TMEM38A: variants seen among roughly 807,000 people sequenced by gnomAD.
The protein encoded by TMEM38A is transmembrane protein 38A, also known as trimeric intracellular cation channel type A.
TMEM38A carries 17 observed loss-of-function variants against 28.6 expected under a neutral mutation model. The observed-to-expected ratio is 0.60, with a 90% CI of 0.41 to 0.89. The LOEUF (loss-of-function observed/expected upper bound fraction) is 0.89, where lower values mean the gene tolerates loss of function less well. TMEM38A is among the 40% of genes least tolerant of loss of function. The probability of loss-of-function intolerance (pLI) is 0.00; values close to 1 mark genes in which losing one functional copy is unlikely to be tolerated. For missense variants in TMEM38A, 328 were observed against 393.1 expected (o/e 0.83, Z 1.40); for synonymous variants, 169 against 166.1 (o/e 1.02, Z -0.14).
At chr19:16,675,308 A>AC in intron 1 of TMEM38A, among the ~76,000 whole-genome samples, 1 of 152,178 alleles carries the variant, frequency 6.6e-6, no homozygotes, top group South Asian at 2.1e-4. Context: ...ATCACGGCTC[A>AC]CTGCAGCCTC....
At chr19:16,666,560 A>T (rs973926001) in intron 1 of TMEM38A, among the ~76,000 whole-genome samples, 1 of 152,146 alleles carries the variant, frequency 6.6e-6, no homozygotes, top group Middle Eastern at 3.4e-3. Flanking sequence ...TCCCATGAGC[A>T]ACTGTGCCTG....
chr19:16,666,005 G>A (rs1057222181), intron 1 of TMEM38A, among the ~76,000 whole-genome samples: 2 of 151,210 alleles, frequency 1.3e-5, no homozygotes, highest in Non-Finnish European at 3.0e-5. Flanking sequence ...TTTTGGAGAC[G>A]GAGTCTTGCC....
At chr19:16,686,501 T>C (rs2086802751) in intron 5 of TMEM38A, 96 bp downstream of exon 5, 3 of 999,438 alleles carry the variant, frequency 3.0e-6, no homozygotes, top group Admixed American at 1.8e-5. Context: ...CCCAGCCTTA[T>C]GTGGCTGGGA....
chr19:16,667,059 A>G lies in TMEM38A; in HGVS notation c.124+5718A>G, dbSNP rs545683869. 1.9e-4 allele frequency among the ~76,000 whole-genome samples: 29 copies of G among 152,006 alleles called. 1 individual carries two copies. Among genetic ancestry groups the G allele is most frequent in the South Asian group, 1.9e-3 (9 of 4,812 alleles). The stretch of plus-strand genomic sequence containing the variant: ...CGAGGCGGGCGGATCACCCGAGGTC[A>G]GAAGTTCGAGACCAGCCTGGCCAAC... On this transcript the variant is annotated intron_variant, in intron 1 of 5. Transcript: ENST00000187762.
intron 4 of TMEM38A, among the ~76,000 whole-genome samples, chr19:16,686,061 G>A (rs1247831504): frequency 6.6e-6 from 1 of 152,222 alleles, no homozygotes; most frequent in Non-Finnish European, 1.5e-5. Context: ...TACTTGGGAG[G>A]CTGAGGTGGG....
intron 1 of TMEM38A, among the ~76,000 whole-genome samples, chr19:16,667,271 C>T (rs934303163): frequency 7.4e-6 from 1 of 135,894 alleles, no homozygotes; most frequent in Non-Finnish European, 1.5e-5. Context: ...AGTGAAACTC[C>T]ATTTCAGGAA....
chr19:16,688,521 G>C lies in TMEM38A; in HGVS notation c.*150G>C. The C allele has an allele frequency of 1.9e-6, 1 of 524,632 alleles. No individual in the cohort carries two copies. The highest frequency in any genetic ancestry group is 5.4e-5 in the South Asian group (1 of 18,674). The allele number at this position is 524,632 out of a possible 1,614,324, so 32.5% of individuals were successfully genotyped here. ...GCTCACCCTCCAGGGCTGATGTGGGGGTTGAGATATGGGGATGAGGATGAA... is the reference window on the plus strand; with the variant it reads ...GCTCACCCTCCAGGGCTGATGTGGGCGTTGAGATATGGGGATGAGGATGAA... On this transcript the variant is annotated 3_prime_UTR_variant, in exon 6 of 6. Coordinates refer to ENST00000187762, the MANE Select transcript of TMEM38A (RefSeq NM_024074.4).
At chr19:16,663,522 T>G (rs1245117716) in intron 1 of TMEM38A, among the ~76,000 whole-genome samples, 1 of 151,572 alleles carries the variant, frequency 6.6e-6, no homozygotes, top group Non-Finnish European at 1.5e-5. Flanking sequence ...TCCTGGGAGC[T>G]TTTTTTCTTT....
At position 16,688,333 on chromosome 19, in the gene TMEM38A, G is replaced by T; in HGVS notation, c.862G>T (p.Glu288Ter). The stretch of plus-strand genomic sequence containing the variant: ...CGCCAAGTCCAAGGAGGAGTTGAGC[G>T]AGGGCTCCAGGAAGAAGAAGGCCAA... ...MPAKSKEELS[E>*]GSRKKKAKKA... Residue 288 changes from glutamate to a stop codon, truncating the protein, a stop_gained, in exon 6 of 6, where the codon GAG (glutamate) becomes TAG (stop). Transcript: ENST00000187762. LOFTEE classifies it high-confidence loss of function. The T allele has an allele frequency of 2.5e-6, 4 of 1,605,518 alleles. No individual in the cohort carries two copies. Among genetic ancestry groups the T allele is most frequent in the Non-Finnish European group, 3.4e-6 (4 of 1,176,442 alleles).
chr19:16,679,976 C>A lies in TMEM38A; in HGVS notation c.125-8C>A, dbSNP rs371217513. Reference sequence around the variant, plus strand: ...GGTGATGATGGGGGACACTCCTGTGCCTCCCAGGAGCAGTCGAACTGTCCC... The same window carrying A: ...GGTGATGATGGGGGACACTCCTGTGACTCCCAGGAGCAGTCGAACTGTCCC... On this transcript the variant is annotated splice_polypyrimidine_tract_variant and splice_region_variant and intron_variant, in intron 1 of 5. Coordinates refer to ENST00000187762, the MANE Select transcript of TMEM38A (RefSeq NM_024074.4). 5.0e-6 allele frequency: 8 copies of A among 1,592,102 alleles called. No homozygotes were observed. The highest frequency in any genetic ancestry group is 3.4e-5 in the Admixed American group (2 of 58,762).
intron 1 of TMEM38A, among the ~76,000 whole-genome samples, chr19:16,666,854 G>A (rs151310656): frequency 0.015 from 2,263 of 151,944 alleles, 30 homozygotes; most frequent in Non-Finnish European, 0.025. Flanking sequence ...TTGGGTGGCT[G>A]AGGAAGGAGA....
intron 5 of TMEM38A, 97 bp downstream of exon 5, chr19:16,686,502 G>A (rs2086802767): frequency 8.1e-6 from 8 of 990,272 alleles, no homozygotes; most frequent in Non-Finnish European, 1.3e-5. Flanking sequence ...CCAGCCTTAT[G>A]TGGCTGGGAC....
chr19:16,668,539 T>G (rs1428419302), intron 1 of TMEM38A, among the ~76,000 whole-genome samples: 1 of 150,748 alleles, frequency 6.6e-6, no homozygotes, highest in Non-Finnish European at 1.5e-5. Flanking sequence ...GGGGTTCTGT[T>G]GTGTTGCCCA....
chr19:16,664,202 G>T (rs2086694061), intron 1 of TMEM38A, among the ~76,000 whole-genome samples: 1 of 152,084 alleles, frequency 6.6e-6, no homozygotes, highest in Admixed American at 6.6e-5. Context: ...GATCACTTGA[G>T]CCCAGGACTT....
At chr19:16,683,301 G>T (rs1378894929) in intron 4 of TMEM38A, among the ~76,000 whole-genome samples, 1 of 152,068 alleles carries the variant, frequency 6.6e-6, no homozygotes, top group Non-Finnish European at 1.5e-5. Context: ...AAAAGACCTT[G>T]TTGGGGGCTG....
rs773881425 is a variant in TMEM38A at position 16,680,554 on chromosome 19, G to A, written c.439G>A (p.Val147Ile). The A allele has an allele frequency of 1.7e-5, 27 of 1,614,000 alleles. No individual in the cohort carries two copies. Among genetic ancestry groups the A allele is most frequent in the East Asian group, 1.1e-4 (5 of 44,892 alleles). Residue 147 changes from valine to isoleucine, a missense_variant, in exon 3 of 6, where the codon GTC becomes ATC. Physicochemically the swap from Val to Ile is conservative, Grantham distance 29. Transcript: ENST00000187762. ...AHHHYHHGWF[V>I]MIATGWVKGS... ...TCACCACTACCACCACGGGTGGTTCGTCATGATTGCAACTGGGTGGGTCAA... is the reference window on the plus strand; with the variant it reads ...TCACCACTACCACCACGGGTGGTTCATCATGATTGCAACTGGGTGGGTCAA...
Position 16,679,972 on chromosome 19 carries a change from T to C in TMEM38A, c.125-12T>C. 2 of 1,590,014 alleles carry C rather than the reference T, an allele frequency of 1.3e-6. No individual in the cohort carries two copies. The highest frequency in any genetic ancestry group is 2.2e-5 in the East Asian group (1 of 44,686). On this transcript the variant is annotated splice_polypyrimidine_tract_variant and intron_variant, in intron 1 of 5. Coordinates refer to ENST00000187762, the MANE Select transcript of TMEM38A (RefSeq NM_024074.4). ...TGCTGGTGATGATGGGGGACACTCC[T>C]GTGCCTCCCAGGAGCAGTCGAACTG...
intron 1 of TMEM38A, among the ~76,000 whole-genome samples, chr19:16,679,379 C>T (rs983931468): frequency 6.6e-6 from 1 of 151,314 alleles, no homozygotes; most frequent in Non-Finnish European, 1.5e-5. Flanking sequence ...CTCACTGCAG[C>T]CTCCACCTCC....
chr19:16,662,009 C>T (rs992202182), intron 1 of TMEM38A, among the ~76,000 whole-genome samples: 3 of 152,102 alleles, frequency 2.0e-5, no homozygotes, highest in African/African-American at 7.2e-5. Flanking sequence ...CCAGACTCCA[C>T]GCTGGGGAGG....
Sources: allele counts gnomAD v4.1 joint callset (sites outside exome capture counted in the v4.1 genomes callset), GRCh38; gene constraint gnomAD v4.1.1; transcripts MANE v1.5; gene names NCBI Gene and HGNC (gene_info 2026-07-23, HGNC 2026-07-21).